SCN2A: variants seen among roughly 807,000 people sequenced by gnomAD.
SCN2A encodes the protein sodium voltage-gated channel alpha subunit 2.
Under a neutral mutation model 188.7 loss-of-function variants are expected in SCN2A, and 20 were observed. That is an observed-to-expected ratio of 0.11 (90% CI 0.07 to 0.15). The LOEUF (loss-of-function observed/expected upper bound fraction) is 0.15, where lower values mean the gene tolerates loss of function less well. Among genes scored for constraint, SCN2A ranks in the 10% least tolerant of loss-of-function variants. SCN2A has a pLI of 1.00. For missense variants in SCN2A, 1,278 were observed against 2,445.0 expected (o/e 0.52, Z 10.07); for synonymous variants, 804 against 833.1 (o/e 0.97, Z 0.60).
In SCN2A at chr2:165,297,234, G is replaced by C. The variant is rs117267827; in HGVS notation, c.386+99G>C. 2.5e-3 allele frequency: 1,861 copies of C among 737,512 alleles called. 35 individuals carry two copies. In the East Asian group the frequency reaches 0.036, roughly 14 times the overall value. 45.7% of individuals were successfully genotyped at this position (737,512 alleles called of 1,614,324 possible). A position where few individuals can be genotyped will look rare whatever the true frequency, so the allele number is the denominator to read the frequency against. On this transcript the variant is annotated intron_variant, in intron 3 of 26. Coordinates refer to ENST00000375437, the MANE Select transcript of SCN2A (RefSeq NM_001040142.2). ...ATATCTGTGGTTGGCAATGTTATGTGTTCTTTCTTTTTCTTTCCTTTTACT... is the reference window on the plus strand; with the variant it reads ...ATATCTGTGGTTGGCAATGTTATGTCTTCTTTCTTTTTCTTTCCTTTTACT...
At chr2:165,360,076 T>G (rs1262559381) in intron 17 of SCN2A, among the ~76,000 whole-genome samples, 1 of 151,974 alleles carries the variant, frequency 6.6e-6, no homozygotes, top group Non-Finnish European at 1.5e-5. Context: ...AGTTTTCTCT[T>G]TTTTAAGTGC....
At chr2:165,318,422 T>G (rs1004228562) in intron 11 of SCN2A, among the ~76,000 whole-genome samples, 5 of 152,182 alleles carry the variant, frequency 3.3e-5, no homozygotes, top group Admixed American at 3.3e-4. Flanking sequence ...GCTAGGAGTT[T>G]AGGAGTTTTG....
intron 1 of SCN2A, among the ~76,000 whole-genome samples, chr2:165,256,000 C>CTTTTTTTTTTTTTTTTTTT (rs765804959): frequency 1.1e-5 from 1 of 88,446 alleles, no homozygotes; most frequent in Non-Finnish European, 2.0e-5. Context: ...GGGCTCTTTT[C>CTTTTTTTTTTTTTTTTTTT]TTTTTTTTTT....
intron 15 of SCN2A, among the ~76,000 whole-genome samples, chr2:165,343,327 T>C (rs1699409808): frequency 6.6e-6 from 1 of 152,220 alleles, no homozygotes; most frequent in African/African-American, 2.4e-5. Flanking sequence ...CTTAGAACTA[T>C]ATTTCCTTCC....
intron 1 of SCN2A, among the ~76,000 whole-genome samples, chr2:165,294,661 TAA>T (rs934834140): frequency 2.6e-5 from 4 of 152,154 alleles, no homozygotes; most frequent in Admixed American, 6.5e-5. Flanking sequence ...AAAAATAGAT[TAA>T]GTGTCATTTA....
At chr2:165,357,135 T>C (rs778700752) in intron 17 of SCN2A, among the ~76,000 whole-genome samples, 17 of 152,190 alleles carry the variant, frequency 1.1e-4, no homozygotes, top group Non-Finnish European at 1.9e-4. Flanking sequence ...TGATGAGGGT[T>C]ATCGCCGTGA....
At chr2:165,381,932 A>G (rs1253630799) in intron 25 of SCN2A, among the ~76,000 whole-genome samples, 1 of 152,076 alleles carries the variant, frequency 6.6e-6, no homozygotes, top group Non-Finnish European at 1.5e-5. Context: ...AGTGTTTCTC[A>G]GAAATCTTGA....
intron 11 of SCN2A, 24 bp downstream of exon 11, chr2:165,315,782 T>C (rs1322729544): frequency 1.2e-6 from 2 of 1,604,426 alleles, no homozygotes; most frequent in Non-Finnish European, 1.7e-6. Flanking sequence ...ATTACATGAA[T>C]TGTGTTCTCA....
chr2:165,342,617 A>G (rs1699375061), intron 15 of SCN2A, 148 bp downstream of exon 15: 2 of 818,256 alleles, frequency 2.4e-6, no homozygotes, highest in Admixed American at 2.1e-5. Context: ...ACCAAATGGT[A>G]GTTTCTTCTT....
chr2:165,274,777 C>G (rs1297191047), intron 1 of SCN2A, among the ~76,000 whole-genome samples: 1 of 152,194 alleles, frequency 6.6e-6, no homozygotes, highest in Non-Finnish European at 1.5e-5. Flanking sequence ...CTGTACTTTT[C>G]ATATCCGTAA....
chr2:165,265,471 C>CTCTATATATATA (rs1380825419), intron 1 of SCN2A, among the ~76,000 whole-genome samples: 29 of 29,008 alleles, frequency 1.0e-3, no homozygotes, highest in African/African-American at 3.3e-3. Context: ...CTCTGTTGAT[C>CTCTATATATATA]TATATATATA....
intron 16 of SCN2A, among the ~76,000 whole-genome samples, chr2:165,351,987 T>C (rs1699944392): frequency 6.6e-6 from 1 of 152,022 alleles, no homozygotes; most frequent in South Asian, 2.1e-4. Context: ...TAAATGACAT[T>C]TGTAAATAGA....
chr2:165,294,287 A>G (rs1376510978), intron 1 of SCN2A, among the ~76,000 whole-genome samples: 1 of 152,046 alleles, frequency 6.6e-6, no homozygotes, highest in Non-Finnish European at 1.5e-5. Flanking sequence ...TAGAGAATCC[A>G]GGCATGGCAG....
chr2:165,373,105 C>G (rs1005624777), intron 20 of SCN2A, 120 bp from the exon 21 acceptor site: 5 of 1,091,240 alleles, frequency 4.6e-6, no homozygotes, highest in Non-Finnish European at 7.0e-6. Context: ...AACAAGACCC[C>G]TGGGTGATTT....
chr2:165,323,018 G>A (rs867388409), intron 11 of SCN2A, 138 bp from the exon 12 acceptor site: 6 of 799,124 alleles, frequency 7.5e-6, no homozygotes, highest in Middle Eastern at 2.8e-4. Flanking sequence ...CATCAGAGGG[G>A]TGCTTTCTTC....
chr2:165,294,040 A>AAAAAT (rs780674346), intron 1 of SCN2A: 3 of 630,380 alleles, frequency 4.8e-6, no homozygotes, highest in African/African-American at 2.7e-5. Context: ...AAAAAAAAAG[A>AAAAAT]TTTTTTTTTT....
intron 3 of SCN2A, among the ~76,000 whole-genome samples, chr2:165,299,475 A>G (rs1311129133): frequency 6.6e-6 from 1 of 152,198 alleles, no homozygotes; most frequent in African/African-American, 2.4e-5. Flanking sequence ...AGAAAATTAG[A>G]TTTTAAAAAG....
rs1214530387 is a variant in SCN2A, at chr2:165,377,670, A to G, written c.4308+20A>G. On this transcript the variant is annotated intron_variant, in intron 23 of 26. Transcript: ENST00000375437. The stretch of plus-strand genomic sequence containing the variant: ...CGAAATGTAAGTCTAGTTAGAGGGA[A>G]ATTGTTTAGTTTGATTAAATGTATA... 2.5e-6 allele frequency: 4 copies of G among 1,586,480 alleles called. No homozygotes were observed. Among genetic ancestry groups the G allele is most frequent in the South Asian group, 1.1e-5 (1 of 88,728 alleles).
intron 1 of SCN2A, among the ~76,000 whole-genome samples, chr2:165,256,954 A>T (rs1694355318): frequency 6.6e-6 from 1 of 152,214 alleles, no homozygotes; most frequent in Non-Finnish European, 1.5e-5. Context: ...AACAGTTACT[A>T]GTTCAACTTG....
Sources: gnomAD v4.1 joint callset for allele counts (sites outside exome capture counted in the v4.1 genomes callset) on GRCh38, gnomAD v4.1.1 for gene constraint, MANE v1.5 for transcripts, NCBI Gene and HGNC (gene_info 2026-07-23, HGNC 2026-07-21) for gene names.